NSMCE2: variants seen among roughly 807,000 people sequenced by gnomAD.
NSMCE2 encodes the protein E3 SUMO-protein ligase NSE2.
NSMCE2 carries 24 observed loss-of-function variants against 23.8 expected under a neutral mutation model. That is an observed-to-expected ratio of 1.01 (90% CI 0.73 to 1.42). The LOEUF (loss-of-function observed/expected upper bound fraction) is 1.42. NSMCE2 is among the 40% of genes most tolerant of loss of function. The pLI is 0.00. For synonymous variants in NSMCE2, 92 were observed against 94.1 expected (o/e 0.98, Z 0.13); for missense variants, 284 against 296.5 (o/e 0.96, Z 0.31).
chr8:125,256,895 C>T (rs568318928), intron 5 of NSMCE2, among the ~76,000 whole-genome samples: 17 of 125,336 alleles, frequency 1.4e-4, no homozygotes, highest in African/African-American at 4.6e-4. Flanking sequence ...TGCACTCCAG[C>T]CTGGGCGACA....
At chr8:125,151,355 C>G in intron 4 of NSMCE2, 78 bp downstream of exon 4, 1 of 688,240 alleles carries the variant, frequency 1.5e-6, no homozygotes, top group Non-Finnish European at 2.6e-6. Context: ...AATCAAAATT[C>G]TTCTCTAATC....
At chr8:125,311,246 C>T (rs1828962475) in intron 5 of NSMCE2, among the ~76,000 whole-genome samples, 1 of 152,192 alleles carries the variant, frequency 6.6e-6, no homozygotes. Flanking sequence ...AAGAAAACCA[C>T]TCTCCTCAAT....
rs572349555 is a variant in NSMCE2, at chr8:125,202,316, A to G, written c.418+20060A>G. Among the ~76,000 whole-genome samples the G allele has an allele frequency of 1.8e-4, 28 of 152,376 alleles. No homozygotes were observed. In the South Asian group the frequency reaches 5.4e-3, roughly 29 times the overall value. ...CTGCGTCGATCACGCTGGGAGCTGC[A>G]GACCGGAGCTGTTCCTATTCAGCCA... On this transcript the variant is annotated intron_variant, in intron 5 of 7. Coordinates refer to ENST00000287437, the MANE Select transcript of NSMCE2 (RefSeq NM_173685.4).
intron 5 of NSMCE2, among the ~76,000 whole-genome samples, chr8:125,187,059 G>C (rs1435324923): frequency 6.6e-6 from 1 of 152,166 alleles, no homozygotes; most frequent in Non-Finnish European, 1.5e-5. Flanking sequence ...GATTAAATGA[G>C]ATACTGACTC....
chr8:125,356,326 G>GTTTTTTTT (rs747884264), intron 5 of NSMCE2, among the ~76,000 whole-genome samples: 3 of 105,454 alleles, frequency 2.8e-5, no homozygotes. Flanking sequence ...TAATTTTTTG[G>GTTTTTTTT]TTTTTTTTTT....
chr8:125,250,321 T>C (rs1354521725), intron 5 of NSMCE2, among the ~76,000 whole-genome samples: 1 of 140,226 alleles, frequency 7.1e-6, no homozygotes, highest in Non-Finnish European at 1.5e-5. Context: ...ATAGTTATAA[T>C]GTTTTTCTTT....
At chr8:125,324,942 G>GT (rs78517513) in intron 5 of NSMCE2, among the ~76,000 whole-genome samples, 37,149 of 139,352 alleles carry the variant, frequency 0.27, 6,265 homozygotes, top group East Asian at 0.44. Context: ...TTGTGTTGGA[G>GT]TGGGGAGTAG....
intron 5 of NSMCE2, among the ~76,000 whole-genome samples, chr8:125,302,278 A>G (rs961068868): frequency 2.6e-5 from 4 of 152,134 alleles, no homozygotes; most frequent in Admixed American, 2.6e-4. Flanking sequence ...TTTAACACAT[A>G]TTTATTGGAT....
chr8:125,335,548 A>G (rs1034606476), intron 5 of NSMCE2, among the ~76,000 whole-genome samples: 1 of 152,214 alleles, frequency 6.6e-6, no homozygotes, highest in East Asian at 1.9e-4. Flanking sequence ...CCAGGAGGTA[A>G]CTAAAAATTT....
chr8:125,160,299 G>A (rs918238634), intron 4 of NSMCE2, among the ~76,000 whole-genome samples: 4 of 152,180 alleles, frequency 2.6e-5, no homozygotes, highest in Non-Finnish European at 5.9e-5. Flanking sequence ...AGAACGTTCT[G>A]TAAAGAACTC....
intron 5 of NSMCE2, among the ~76,000 whole-genome samples, chr8:125,251,297 A>T (rs117021190): frequency 6.6e-6 from 1 of 152,226 alleles, no homozygotes; most frequent in Non-Finnish European, 1.5e-5. Flanking sequence ...ATGACATAAT[A>T]CAGAAAATGC....
intron 5 of NSMCE2, among the ~76,000 whole-genome samples, chr8:125,287,883 C>A (rs529692104): frequency 3.3e-5 from 5 of 152,166 alleles, no homozygotes; most frequent in Non-Finnish European, 7.4e-5. Flanking sequence ...GTCTCTGTGC[C>A]ATTTAAAATT....
chr8:125,251,579 A>C (rs1423592169), intron 5 of NSMCE2, among the ~76,000 whole-genome samples: 4 of 152,216 alleles, frequency 2.6e-5, no homozygotes, highest in African/African-American at 7.2e-5. Flanking sequence ...TCAAAACCTG[A>C]CATTGACTTT....
At chr8:125,303,218 C>A (rs180782860) in intron 5 of NSMCE2, among the ~76,000 whole-genome samples, 1 of 152,284 alleles carries the variant, frequency 6.6e-6, no homozygotes, top group East Asian at 1.9e-4. Context: ...AGCTTTGACT[C>A]AGGAGAGCCT....
At chr8:125,194,611 G>A (rs1048674671) in intron 5 of NSMCE2, among the ~76,000 whole-genome samples, 1 of 151,980 alleles carries the variant, frequency 6.6e-6, no homozygotes, top group Non-Finnish European at 1.5e-5. Flanking sequence ...AAATATCCAG[G>A]CATAAGATTG....
intron 5 of NSMCE2, among the ~76,000 whole-genome samples, chr8:125,325,443 T>C (rs1020568074): frequency 1.3e-5 from 2 of 152,198 alleles, no homozygotes; most frequent in African/African-American, 4.8e-5. Context: ...CTCTACCTCC[T>C]GGCTCAAGTC....
intron 1 of NSMCE2, among the ~76,000 whole-genome samples, chr8:125,096,698 C>T (rs1817954115): frequency 7.3e-6 from 1 of 136,082 alleles, no homozygotes; most frequent in South Asian, 2.5e-4. Context: ...GCAACTGCTG[C>T]CTCCAGGATT....
intron 5 of NSMCE2, among the ~76,000 whole-genome samples, chr8:125,344,197 A>G (rs1391098457): frequency 2.0e-5 from 3 of 152,158 alleles, no homozygotes; most frequent in African/African-American, 4.8e-5. Flanking sequence ...ATTTGTTTCA[A>G]TTTGACTAAT....
chr8:125,360,620 C>T (rs1467049509), intron 7 of NSMCE2, among the ~76,000 whole-genome samples: 2 of 142,444 alleles, frequency 1.4e-5, no homozygotes, highest in South Asian at 2.5e-4. Context: ...AACTTGTGGG[C>T]GGGGTGGGCA....
Sources: allele counts gnomAD v4.1 joint callset (sites outside exome capture counted in the v4.1 genomes callset), GRCh38; gene constraint gnomAD v4.1.1; transcripts MANE v1.5; gene names NCBI Gene and HGNC (gene_info 2026-07-23, HGNC 2026-07-21).